Variants in PCDH15 observed in about 807,000 individuals in gnomAD.
PCDH15 encodes the protein protocadherin related 15, also known as protocadherin-15.
A neutral mutation model predicts 178.5 loss-of-function variants in PCDH15; 129 were observed. That is an observed-to-expected ratio of 0.72 (90% CI 0.63 to 0.84). The LOEUF (loss-of-function observed/expected upper bound fraction) is 0.84, where lower values mean the gene tolerates loss of function less well. Among genes scored for constraint, PCDH15 ranks in the 40% least tolerant of loss-of-function variants. The pLI is 0.00. For missense variants in PCDH15, 2,230 were observed against 2,099.9 expected (o/e 1.06, Z -1.21); for synonymous variants, 800 against 732.0 (o/e 1.09, Z -1.50).
At chr10:54,364,230 C>A (rs1436392268) in intron 5 of PCDH15, among the ~76,000 whole-genome samples, 4 of 150,764 alleles carry the variant, frequency 2.7e-5, no homozygotes, top group East Asian at 1.9e-4. Flanking sequence ...AAAAAATTGA[C>A]CTTGTCTGCA....
chr10:54,077,845 C>A (rs2094368773), intron 17 of PCDH15, among the ~76,000 whole-genome samples: 1 of 152,082 alleles, frequency 6.6e-6, no homozygotes, highest in African/African-American at 2.4e-5. Flanking sequence ...GGTGGATCAT[C>A]TGAGGTCAGG....
intron 15 of PCDH15, among the ~76,000 whole-genome samples, chr10:54,115,131 G>A (rs574000827): frequency 3.9e-4 from 60 of 152,246 alleles, no homozygotes; most frequent in African/African-American, 1.4e-3. Flanking sequence ...TGGGAATGGT[G>A]AGAAATTGTA....
At chr10:54,191,068 C>T (rs1197362567) in intron 11 of PCDH15, among the ~76,000 whole-genome samples, 1 of 152,152 alleles carries the variant, frequency 6.6e-6, no homozygotes, top group Non-Finnish European at 1.5e-5. Context: ...ACATCATTAG[C>T]ATCTTTGAAG....
chr10:54,179,531 G>T (rs1444689217), intron 13 of PCDH15, among the ~76,000 whole-genome samples: 5 of 151,666 alleles, frequency 3.3e-5, no homozygotes, highest in East Asian at 3.9e-4. Flanking sequence ...TAACTAACCT[G>T]CACATTGTGC....
At chr10:54,337,317 G>A (rs1941371110) in intron 6 of PCDH15, among the ~76,000 whole-genome samples, 1 of 152,072 alleles carries the variant, frequency 6.6e-6, no homozygotes, top group Non-Finnish European at 1.5e-5. Flanking sequence ...TAAAATGTGA[G>A]GACATGAGAT....
At chr10:53,965,620 G>C (rs1014849177) in intron 21 of PCDH15, among the ~76,000 whole-genome samples, 1 of 152,064 alleles carries the variant, frequency 6.6e-6, no homozygotes, top group East Asian at 1.9e-4. Flanking sequence ...AGTAAATCTC[G>C]CCTTAGAACA....
intron 1 of PCDH15, among the ~76,000 whole-genome samples, chr10:55,186,048 A>T (rs1339814349): frequency 6.6e-6 from 1 of 151,744 alleles, no homozygotes; most frequent in Non-Finnish European, 1.5e-5. Context: ...TACAGAGAAA[A>T]GTCATCAAGG....
chr10:55,297,636 T>TA (rs1194045411), intron 1 of PCDH15, among the ~76,000 whole-genome samples: 2 of 152,076 alleles, frequency 1.3e-5, no homozygotes, highest in Admixed American at 6.6e-5. Context: ...TTTAAATGAT[T>TA]AAAAAATTTA....
rs1440147427 is a variant in PCDH15 at position 54,244,145 on chromosome 10, A to G, written c.877-7214T>C. ...AAAATACCCTTGTTTTATTATTTCC[A>G]TGAGCAAATTTTATGACCCCTCCAA... On this transcript the variant is annotated intron_variant, in intron 8 of 37. Transcript: ENST00000644397. 3.9e-5 allele frequency among the ~76,000 whole-genome samples: 6 copies of G among 152,156 alleles called. No homozygotes were observed. In the East Asian group the frequency reaches 5.8e-4, roughly 15 times the overall value.
rs2061345125 is a variant in PCDH15 at position 54,317,417 on chromosome 10, T to G, written c.730A>C (p.Arg244=). The change falls in exon 8 of 38, where the codon AGG becomes CGG. Residue 244 remains arginine, a synonymous_variant. Transcript: ENST00000644397. ...GTGAGAGTGGTGGTGGTGGTTCGCC[T>G]CTCATTCAGATTTTGGGCACGGTCC... ...ANDRAQNLNE[R]RTTTTTLTVD... is the part of the protein sequence containing the mutation. 1 of 1,613,744 alleles carries G rather than the reference T, an allele frequency of 6.2e-7. No individual in the cohort carries two copies. Among genetic ancestry groups the G allele is most frequent in the African/African-American group, 1.3e-5 (1 of 74,884 alleles).
At chr10:55,105,216 A>G (rs1842645955) in intron 2 of PCDH15, among the ~76,000 whole-genome samples, 1 of 152,184 alleles carries the variant, frequency 6.6e-6, no homozygotes, top group Non-Finnish European at 1.5e-5. Context: ...GTATCTACGT[A>G]CATTTTATGC....
At chr10:54,116,203 A>T (rs759596746) in intron 15 of PCDH15, among the ~76,000 whole-genome samples, 1 of 150,958 alleles carries the variant, frequency 6.6e-6, no homozygotes, top group Non-Finnish European at 1.5e-5. Context: ...TAAGATGAGA[A>T]ATTAAGTTGT....
chr10:54,185,403 A>G, intron 11 of PCDH15, 135 bp from the exon 12 acceptor site: 5 of 972,912 alleles, frequency 5.1e-6, no homozygotes, highest in Non-Finnish European at 7.8e-6. Flanking sequence ...GATAAAAGAT[A>G]TTTAACTAGA....
chr10:54,213,071 A>G (rs903261912), intron 10 of PCDH15, among the ~76,000 whole-genome samples: 2 of 152,102 alleles, frequency 1.3e-5, no homozygotes, highest in Admixed American at 6.6e-5. Flanking sequence ...TTCAAAAGGT[A>G]AGAAAAATAC....
chr10:54,796,712 T>G (rs1195568293), intron 1 of PCDH15, among the ~76,000 whole-genome samples: 1 of 151,982 alleles, frequency 6.6e-6, no homozygotes, highest in Admixed American at 6.6e-5. Context: ...ATTTTCTTTG[T>G]GTGACTATCC....
At chr10:54,235,415 C>T (rs2054528795) in intron 9 of PCDH15, among the ~76,000 whole-genome samples, 1 of 152,172 alleles carries the variant, frequency 6.6e-6, no homozygotes, top group South Asian at 2.1e-4. Context: ...AACACCAATG[C>T]ATCCAACTGG....
intron 3 of PCDH15, among the ~76,000 whole-genome samples, chr10:54,489,193 A>T (rs776301765): frequency 2.4e-4 from 36 of 152,020 alleles, no homozygotes; most frequent in Non-Finnish European, 4.6e-4. Context: ...TTTTCCCTTG[A>T]TTAACTTGTA....
intron 1 of PCDH15, among the ~76,000 whole-genome samples, chr10:55,200,877 A>C (rs1012426905): frequency 2.0e-5 from 3 of 152,034 alleles, no homozygotes; most frequent in Non-Finnish European, 4.4e-5. Context: ...CCATGATTAT[A>C]AGTTTCCTGA....
chr10:55,048,724 T>C (rs180734434), intron 2 of PCDH15, among the ~76,000 whole-genome samples: 8 of 152,048 alleles, frequency 5.3e-5, no homozygotes, highest in Admixed American at 4.6e-4. Context: ...TAATATATTT[T>C]TATTTCAATG....
Sources: gnomAD v4.1 joint callset for allele counts (sites outside exome capture counted in the v4.1 genomes callset) on GRCh38, gnomAD v4.1.1 for gene constraint, MANE v1.5 for transcripts, NCBI Gene and HGNC (gene_info 2026-07-23, HGNC 2026-07-21) for gene names.